The following ACOT7 variants were observed in gnomAD, a reference collection of about 807,000 sequenced individuals.
The protein encoded by ACOT7 is cytosolic acyl coenzyme A thioester hydrolase.
In ACOT7, 12 loss-of-function variants were observed where a neutral mutation model predicts 40.2. The ratio of observed to expected loss-of-function variants is 0.30; its 90% CI spans 0.19 to 0.48. The LOEUF (loss-of-function observed/expected upper bound fraction) is 0.48, where lower values mean the gene tolerates loss of function less well. ACOT7 is among the 20% of genes least tolerant of loss of function. The pLI is 0.99. For missense variants in ACOT7, 395 were observed against 530.8 expected (o/e 0.74, Z 2.51); for synonymous variants, 228 against 219.5 (o/e 1.04, Z -0.34).
chr1:6,369,829 C>A (rs1234704445), intron 1 of ACOT7, among the ~76,000 whole-genome samples: 2 of 152,162 alleles, frequency 1.3e-5, no homozygotes, highest in Non-Finnish European at 2.9e-5. Flanking sequence ...ATCCACCTGC[C>A]TCAGCCTCCC....
chr1:6,269,445 A>G (rs1233295637), intron 8 of ACOT7, among the ~76,000 whole-genome samples: 1 of 152,034 alleles, frequency 6.6e-6, no homozygotes, highest in Non-Finnish European at 1.5e-5. Flanking sequence ...CCAAACCACT[A>G]CAGCTGCTCC....
chr1:6,369,192 G>C (rs916129292), intron 1 of ACOT7, among the ~76,000 whole-genome samples: 1 of 151,890 alleles, frequency 6.6e-6, no homozygotes. Flanking sequence ...TGTTGGCCAG[G>C]CTGGTCTCGA....
chr1:6,288,164 G>A lies in ACOT7; in HGVS notation c.829+6700C>T, dbSNP rs563332018. 6.6e-6 allele frequency among the ~76,000 whole-genome samples: 1 copy of A among 152,312 alleles called. No homozygotes were observed. The highest frequency in any genetic ancestry group is 2.1e-4 in the South Asian group (1 of 4,824). On this transcript the variant is annotated intron_variant, in intron 7 of 8. Transcript: ENST00000361521. The surrounding 1 kb of genome is among the most constrained non-coding windows in gnomAD (Gnocchi z 4.3). ...GGGCGGAGGCTCTCCCACTCTGTGGGTGCTACCGGGCTCCACGTGCCTTCC... is the reference window on the plus strand; with the variant it reads ...GGGCGGAGGCTCTCCCACTCTGTGGATGCTACCGGGCTCCACGTGCCTTCC...
chr1:6,314,972 C>G (rs944680145), intron 6 of ACOT7, among the ~76,000 whole-genome samples: 1 of 152,204 alleles, frequency 6.6e-6, no homozygotes, highest in Non-Finnish European at 1.5e-5. Context: ...CCTCCACACC[C>G]TCGGGCTCAC....
chr1:6,370,457 G>GTATTATTATTATTAT (rs34962967), intron 1 of ACOT7, among the ~76,000 whole-genome samples: 2 of 140,820 alleles, frequency 1.4e-5, no homozygotes, highest in Non-Finnish European at 3.1e-5. Flanking sequence ...AGCAGTGTTA[G>GTATTATTATTATTAT]TATTATTATT....
chr1:6,268,991 G>A (rs952395434), intron 8 of ACOT7, among the ~76,000 whole-genome samples: 12 of 152,222 alleles, frequency 7.9e-5, no homozygotes, highest in Non-Finnish European at 1.3e-4. Context: ...GGCTGTGCAC[G>A]TGGGGCAGGG....
At chr1:6,339,621 T>A (rs555857413) in intron 2 of ACOT7, 32 bp from the exon 3 acceptor site, 2 of 1,603,762 alleles carry the variant, frequency 1.2e-6, no homozygotes, top group Non-Finnish European at 1.7e-6. Flanking sequence ...TCAGCCCAGG[T>A]CAGCCAGCCC....
chr1:6,353,244 G>A (rs1255676230), intron 1 of ACOT7, among the ~76,000 whole-genome samples: 1 of 152,088 alleles, frequency 6.6e-6, no homozygotes, highest in Non-Finnish European at 1.5e-5. Context: ...ACTTGAGCCT[G>A]GGAAGAGTAC....
intron 2 of ACOT7, among the ~76,000 whole-genome samples, chr1:6,344,468 C>T (rs1641362343): frequency 6.6e-6 from 1 of 152,102 alleles, no homozygotes; most frequent in Admixed American, 6.5e-5. Flanking sequence ...GCTTAACATA[C>T]TAAAGAAAAA....
intron 2 of ACOT7, among the ~76,000 whole-genome samples, chr1:6,348,830 C>A (rs1447084306): frequency 2.0e-5 from 3 of 152,220 alleles, no homozygotes; most frequent in African/African-American, 7.2e-5. Context: ...GCTCACAGTG[C>A]CTCCGCTGGT....
Position 6,349,485 on chromosome 1 carries a change from T to C in ACOT7, c.261+264A>G, listed in dbSNP as rs866089632. On this transcript the variant is annotated intron_variant, in intron 2 of 8. Coordinates refer to ENST00000361521, the MANE Select transcript of ACOT7 (RefSeq NM_007274.4). The stretch of plus-strand genomic sequence containing the variant: ...GGCCAGGTTGGCGGGGGACTCGGCA[T>C]GGCGGGGAGTGGTGGAGGGAGGGCC... 4.6e-5 allele frequency among the ~76,000 whole-genome samples: 7 copies of C among 152,334 alleles called. No individual in the cohort carries two copies. The Middle Eastern group carries it at 0.017, about 370-fold the overall frequency.
chr1:6,315,808 T>TAGAC (rs60770187), intron 6 of ACOT7, among the ~76,000 whole-genome samples: 14,146 of 149,992 alleles, frequency 0.094, 1,757 homozygotes, highest in African/African-American at 0.29. Flanking sequence ...GTAAAATTAT[T>TAGAC]AGATTTTTTT....
At position 6,264,302 on chromosome 1, in the gene ACOT7, C is replaced by T. The variant is rs1287970628; in HGVS notation, c.*295G>A. ...CCAAGCAGCAGCTTTATTAGTGGTG[C>T]TGGGTTCTTCCCATACCCTACAGCG... On this transcript the variant is annotated 3_prime_UTR_variant, in exon 9 of 9. Transcript: ENST00000361521. The T allele has an allele frequency of 2.7e-6, 1 of 370,822 alleles. No individual in the cohort carries two copies. The highest frequency in any genetic ancestry group is 4.8e-6 in the Non-Finnish European group (1 of 207,690). The allele number at this position is 370,822 out of a possible 1,614,324, so 23.0% of individuals were successfully genotyped here.
chr1:6,324,534 G>A (rs563543307), intron 5 of ACOT7, among the ~76,000 whole-genome samples: 1 of 152,280 alleles, frequency 6.6e-6, no homozygotes, highest in African/African-American at 2.4e-5. Flanking sequence ...TAGTGTCCCT[G>A]AGGATCAGTT....
chr1:6,365,629 A>G (rs914350261), intron 1 of ACOT7, among the ~76,000 whole-genome samples: 6 of 151,698 alleles, frequency 4.0e-5, no homozygotes, highest in Admixed American at 1.3e-4. Context: ...TTAGCCCGGC[A>G]TGGTAGTGGG....
intron 1 of ACOT7, among the ~76,000 whole-genome samples, chr1:6,365,203 G>C (rs1266372485): frequency 1.3e-5 from 2 of 152,208 alleles, no homozygotes; most frequent in Non-Finnish European, 2.9e-5. Context: ...CCTGGGGGCA[G>C]GGAGGGACCA....
intron 6 of ACOT7, among the ~76,000 whole-genome samples, chr1:6,298,705 G>C (rs1267209839): frequency 6.6e-6 from 1 of 152,180 alleles, no homozygotes; most frequent in Non-Finnish European, 1.5e-5. Context: ...GGAAATAGAA[G>C]GTGCAGGTTG....
rs186772864 is a variant in ACOT7 at position 6,275,757 on chromosome 1, C to T, written c.1014+5345G>A. Among the ~76,000 whole-genome samples the T allele has an allele frequency of 1.1e-3, 162 of 151,334 alleles. 1 individual carries two copies. The highest frequency in any genetic ancestry group is 3.8e-3 in the African/African-American group (155 of 41,270). On this transcript the variant is annotated intron_variant, in intron 8 of 8. Transcript: ENST00000361521. This position sits in a 1 kb window ranked among gnomAD's most constrained non-coding sequence, Gnocchi z 5.6. ...AAAAAAAAAAGATGGCCGCACCTGC[C>T]TTCATTACTGCCTCCCACTTCCATC...
At chr1:6,323,455 C>T (rs1446002611) in intron 5 of ACOT7, among the ~76,000 whole-genome samples, 1 of 151,894 alleles carries the variant, frequency 6.6e-6, no homozygotes, top group African/African-American at 2.4e-5. Context: ...TGGTGGCTCA[C>T]GCCTGTAATC....
Sources: gnomAD v4.1 joint callset for allele counts (sites outside exome capture counted in the v4.1 genomes callset) on GRCh38, gnomAD v4.1.1 for gene constraint, Gnocchi (gnomAD v3.1) non-coding constraint, MANE v1.5 for transcripts, NCBI Gene and HGNC (gene_info 2026-07-23, HGNC 2026-07-21) for gene names.